The following MAPKAP1 variants were observed in gnomAD, a reference collection of about 807,000 sequenced individuals.
The protein encoded by MAPKAP1 is target of rapamycin complex 2 subunit MAPKAP1.
A neutral mutation model predicts 65.7 loss-of-function variants in MAPKAP1; 20 were observed. The observed-to-expected ratio is 0.30, with a 90% CI of 0.21 to 0.44. The LOEUF is 0.44. Among genes scored for constraint, MAPKAP1 ranks in the 20% least tolerant of loss-of-function variants. The pLI is 1.00. For synonymous variants in MAPKAP1, 222 were observed against 244.3 expected, an observed-to-expected ratio of 0.91 and a Z score of 0.85; for missense variants, 423 against 648.0, an observed-to-expected ratio of 0.65 and a Z score of 3.77.
At chr9:125,650,368 T>C (rs2131734857) in intron 4 of MAPKAP1, 1 of 152,284 alleles carries the variant, frequency 6.6e-6, no homozygotes, top group Non-Finnish European at 1.5e-5. Context: ...TCATACCCGG[T>C]CTTCCCCCAG....
intron 4 of MAPKAP1, among the ~76,000 whole-genome samples, chr9:125,610,233 C>A (rs557576943): frequency 6.6e-6 from 1 of 152,312 alleles, no homozygotes; most frequent in African/African-American, 2.4e-5. Flanking sequence ...GCATTTAATA[C>A]AACACACTAA....
intron 5 of MAPKAP1, among the ~76,000 whole-genome samples, chr9:125,560,483 C>T (rs1418139409): frequency 2.0e-5 from 3 of 152,084 alleles, no homozygotes; most frequent in African/African-American, 7.2e-5. Flanking sequence ...ACTCAGGAGG[C>T]TGAGGTGAGA....
intron 10 of MAPKAP1, among the ~76,000 whole-genome samples, chr9:125,458,998 G>A (rs1194267035): frequency 2.4e-5 from 3 of 123,788 alleles, no homozygotes; most frequent in African/African-American, 9.7e-5. Flanking sequence ...GCCGGGCGGA[G>A]GGGCTCCTCA....
intron 4 of MAPKAP1, among the ~76,000 whole-genome samples, chr9:125,627,962 C>A (rs1419015154): frequency 6.6e-6 from 1 of 152,188 alleles, no homozygotes; most frequent in East Asian, 1.9e-4. Flanking sequence ...TTTTATAATT[C>A]TCTACGACAA....
Position 125,666,555 on chromosome 9 carries a change from C to T in MAPKAP1, c.349+3263G>A, listed in dbSNP as rs145722803. On this transcript the variant is annotated intron_variant, in intron 3 of 11. Transcript: ENST00000265960. Reference sequence around the variant, plus strand: ...TGGTGTCATGTGCCTGTAGTCCTAGCTCCTCAGGAGGTTGACACACTTGAA... The same window carrying T: ...TGGTGTCATGTGCCTGTAGTCCTAGTTCCTCAGGAGGTTGACACACTTGAA... 1.1e-4 allele frequency among the ~76,000 whole-genome samples: 16 copies of T among 152,288 alleles called. No individual in the cohort carries two copies. The East Asian group carries it at 3.1e-3, about 29-fold the overall frequency.
intron 4 of MAPKAP1, among the ~76,000 whole-genome samples, chr9:125,611,638 G>A (rs920608943): frequency 5.9e-5 from 9 of 152,136 alleles, no homozygotes; most frequent in Admixed American, 5.9e-4. Flanking sequence ...ACATCAAAAT[G>A]AAATTGCATC....
At chr9:125,699,183 C>T (rs1835522275) in intron 1 of MAPKAP1, among the ~76,000 whole-genome samples, 1 of 152,160 alleles carries the variant, frequency 6.6e-6, no homozygotes, top group South Asian at 2.1e-4. Context: ...ACTTTACACA[C>T]ATAGCCTGAA....
At chr9:125,623,785 C>T (rs1832991066) in intron 4 of MAPKAP1, among the ~76,000 whole-genome samples, 1 of 59,212 alleles carries the variant, frequency 1.7e-5, no homozygotes, top group Admixed American at 1.6e-4. Flanking sequence ...CCCGGCCAGC[C>T]GTGCCGTCCG....
intron 10 of MAPKAP1, 87 bp from the exon 11 acceptor site, chr9:125,444,685 C>T (rs193140062): frequency 4.8e-4 from 427 of 887,880 alleles, no homozygotes; most frequent in Non-Finnish European, 6.9e-4. Context: ...CATTCCAATT[C>T]GAGCGAGAGC....
chr9:125,589,385 A>G (rs1831885886), intron 4 of MAPKAP1, among the ~76,000 whole-genome samples: 1 of 152,186 alleles, frequency 6.6e-6, no homozygotes. Context: ...ACTGTTCCAT[A>G]CATAATGCCT....
At chr9:125,550,818 T>C (rs867080740) in intron 6 of MAPKAP1, among the ~76,000 whole-genome samples, 1 of 152,188 alleles carries the variant, frequency 6.6e-6, no homozygotes, top group Non-Finnish European at 1.5e-5. Context: ...TACAACAGAA[T>C]GAAAAGAAAC....
intron 4 of MAPKAP1, among the ~76,000 whole-genome samples, chr9:125,602,901 T>C (rs992551580): frequency 1.3e-5 from 2 of 152,056 alleles, no homozygotes; most frequent in African/African-American, 4.8e-5. Context: ...CCGTTTTCTC[T>C]CCTTCTTTTA....
intron 6 of MAPKAP1, among the ~76,000 whole-genome samples, chr9:125,552,212 G>A (rs1211967093): frequency 6.6e-6 from 1 of 152,192 alleles, no homozygotes. Context: ...AAAAGAGGCA[G>A]TTTCCATTAC....
At chr9:125,583,446 CATTTCTGT>C (rs1459157561) in intron 5 of MAPKAP1, among the ~76,000 whole-genome samples, 2 of 152,226 alleles carry the variant, frequency 1.3e-5, no homozygotes, top group African/African-American at 4.8e-5. Flanking sequence ...CTGCCTCTTT[CATTTCTGT>C]ATTTCCAGAT....
At chr9:125,559,295 A>T in intron 6 of MAPKAP1, 1 of 173,126 alleles carries the variant, frequency 5.8e-6, no homozygotes, top group Non-Finnish European at 1.2e-5. Flanking sequence ...GCACATTTTC[A>T]GTTAGTGTGT....
rs1015664834 is a variant in MAPKAP1, at chr9:125,638,496, G to A, written c.498+19155C>T. On this transcript the variant is annotated intron_variant, in intron 4 of 11. Coordinates refer to ENST00000265960, the MANE Select transcript of MAPKAP1 (RefSeq NM_001006617.3). ...ATCCTTCTTTGAAAATAATCCCCTG[G>A]ATATTACTGATTTCACAGAAAGACC... Among the ~76,000 whole-genome samples the A allele has an allele frequency of 3.9e-5, 6 of 152,148 alleles. 1 individual carries two copies. In the South Asian group the frequency reaches 8.3e-4, roughly 21 times the overall value.
intron 11 of MAPKAP1, among the ~76,000 whole-genome samples, chr9:125,443,793 G>A (rs1443332351): frequency 6.7e-6 from 1 of 149,592 alleles, no homozygotes; most frequent in Non-Finnish European, 1.5e-5. Context: ...CTCTTTACCT[G>A]GTCAACATCT....
chr9:125,545,037 A>G (rs1830380243), intron 6 of MAPKAP1, among the ~76,000 whole-genome samples: 1 of 152,252 alleles, frequency 6.6e-6, no homozygotes, highest in Non-Finnish European at 1.5e-5. Context: ...TGGTCTGGCC[A>G]GCACCATCAT....
intron 9 of MAPKAP1, among the ~76,000 whole-genome samples, chr9:125,477,582 A>C (rs1039164732): frequency 3.9e-5 from 6 of 152,206 alleles, no homozygotes; most frequent in Non-Finnish European, 8.8e-5. Context: ...AGAGGTGTTC[A>C]CTGTGGGGAT....
Sources: gnomAD v4.1 joint callset for allele counts (sites outside exome capture counted in the v4.1 genomes callset) on GRCh38, gnomAD v4.1.1 for gene constraint, MANE v1.5 for transcripts, NCBI Gene and HGNC (gene_info 2026-07-23, HGNC 2026-07-21) for gene names.